YARS1: variants seen among roughly 807,000 people sequenced by gnomAD.
YARS1 encodes tyrosyl-tRNA synthetase 1, also known as tyrosine--tRNA ligase, cytoplasmic.
YARS1 carries 36 observed loss-of-function variants against 62.2 expected under a neutral mutation model. The ratio of observed to expected loss-of-function variants is 0.58; its 90% CI spans 0.44 to 0.76. The LOEUF is 0.76. Ranked by LOEUF, YARS1 falls within the 30% of genes least tolerant of loss-of-function variation. The pLI, the probability that YARS1 is intolerant of heterozygous loss-of-function variation, is 0.00. For synonymous variants in YARS1, 234 were observed against 244.9 expected, an observed-to-expected ratio of 0.96 and a Z score of 0.42; for missense variants, 524 against 639.8, an observed-to-expected ratio of 0.82 and a Z score of 1.95.
At chr1:32,780,716 G>A (rs1653024085) in intron 10 of YARS1, 2 of 434,112 alleles carry the variant, frequency 4.6e-6, no homozygotes, top group Admixed American at 3.5e-5. Flanking sequence ...TCTGAAGGGG[G>A]CAAAGTGGCC....
intron 5 of YARS1, among the ~76,000 whole-genome samples, chr1:32,793,938 A>G (rs574572045): frequency 6.6e-6 from 1 of 152,374 alleles, no homozygotes; most frequent in African/African-American, 2.4e-5. Context: ...ACACATACTA[A>G]GTGGGGGCTC....
rs560960563 is a variant in YARS1, at chr1:32,797,910, G to A, written c.511-67C>T. 134 of 1,406,296 alleles carry A rather than the reference G, an allele frequency of 9.5e-5. No homozygotes were observed. The East Asian group carries it at 1.9e-3, about 20-fold the overall frequency. 87.1% of individuals were successfully genotyped at this position (1,406,296 alleles called of 1,614,324 possible). On this transcript the variant is annotated intron_variant, in intron 4 of 12. Transcript: ENST00000373477. ...TTTTGAGACAGAGTCTCGCTCTGTC[G>A]CCCAGGCTGGAGTGCTGTGGCGTGA...
intron 1 of YARS1, among the ~76,000 whole-genome samples, chr1:32,813,608 C>T (rs574096070): frequency 6.6e-6 from 1 of 152,342 alleles, no homozygotes; most frequent in South Asian, 2.1e-4. Flanking sequence ...GTGTGGGCCA[C>T]CACACCTGGC....
chr1:32,779,599 GC>G, intron 11 of YARS1, 76 bp from the exon 12 acceptor site: 1 of 1,600,790 alleles, frequency 6.2e-7, no homozygotes, highest in South Asian at 1.1e-5. Flanking sequence ...AGCAATCCGG[GC>G]CTTTACACAG....
intron 1 of YARS1, among the ~76,000 whole-genome samples, chr1:32,814,247 G>A (rs1200935324): frequency 2.0e-5 from 3 of 151,836 alleles, no homozygotes; most frequent in East Asian, 3.9e-4. Context: ...GTTGTTCAAG[G>A]ACTCCAAAAC....
chr1:32,797,697 G>T, intron 5 of YARS1, 66 bp downstream of exon 5: 1 of 1,370,344 alleles, frequency 7.3e-7, no homozygotes, highest in Non-Finnish European at 1.0e-6. Flanking sequence ...ACACATCATA[G>T]TTCAATAAAC....
intron 8 of YARS1, among the ~76,000 whole-genome samples, chr1:32,785,701 G>A (rs888342390): frequency 1.3e-5 from 2 of 151,566 alleles, no homozygotes; most frequent in Non-Finnish European, 2.9e-5. Context: ...CCCTGCCTCA[G>A]CCTCCCGAGT....
intron 12 of YARS1, among the ~76,000 whole-genome samples, chr1:32,779,066 A>T (rs1652969511): frequency 6.6e-6 from 1 of 151,952 alleles, no homozygotes; most frequent in Non-Finnish European, 1.5e-5. Flanking sequence ...TGGTGACCCT[A>T]TGTGGCCTTG....
chr1:32,789,615 G>C (rs1021380197), intron 6 of YARS1, among the ~76,000 whole-genome samples: 1 of 149,484 alleles, frequency 6.7e-6, no homozygotes, highest in Non-Finnish European at 1.5e-5. Context: ...TTAAGACGGA[G>C]TCTCACTCTG....
intron 3 of YARS1, among the ~76,000 whole-genome samples, chr1:32,809,917 G>A (rs1569775964): frequency 6.6e-6 from 1 of 152,044 alleles, no homozygotes; most frequent in African/African-American, 2.4e-5. Context: ...GTCAGCCTGG[G>A]TAACATGGTG....
intron 1 of YARS1, among the ~76,000 whole-genome samples, chr1:32,815,842 G>A (rs1638705415): frequency 6.6e-6 from 1 of 152,132 alleles, no homozygotes; most frequent in Non-Finnish European, 1.5e-5. Flanking sequence ...GGGAGCCGTG[G>A]CTCACGCCTG....
intron 4 of YARS1, among the ~76,000 whole-genome samples, chr1:32,800,635 G>A (rs1007176408): frequency 2.6e-5 from 4 of 152,064 alleles, no homozygotes; most frequent in Non-Finnish European, 5.9e-5. Context: ...TGTCACCCAG[G>A]CTGGAGTGCA....
intron 3 of YARS1, among the ~76,000 whole-genome samples, chr1:32,808,663 G>A (rs747885509): frequency 2.0e-5 from 3 of 152,058 alleles, no homozygotes; most frequent in Non-Finnish European, 2.9e-5. Context: ...CTAGTGTCTC[G>A]CACATAGCAA....
rs1489709200 is a variant in YARS1, at chr1:32,810,799, A to C, written c.205-33T>G. ...AGAGATAAGGGGCCACCAAAATGTG[A>C]ATTTGTCCAATTACCTCCAACCTGT... On this transcript the variant is annotated intron_variant, in intron 2 of 12. Transcript: ENST00000373477. 2.5e-6 allele frequency: 4 copies of C among 1,613,936 alleles called. No homozygotes were observed. In the South Asian group the frequency reaches 3.3e-5, roughly 13 times the overall value.
At position 32,776,145 on chromosome 1, in the gene YARS1, A is replaced by C. The variant is rs562217502; in HGVS notation, c.1477-54T>G. The C allele has an allele frequency of 4.6e-5, 68 of 1,463,312 alleles. No individual in the cohort carries two copies. The African/African-American group carries it at 4.7e-4, about 10-fold the overall frequency. The allele number at this position is 1,463,312 out of a possible 1,614,324, so 90.6% of individuals were successfully genotyped here. A position where few individuals can be genotyped will look rare whatever the true frequency, so the allele number is the denominator to read the frequency against. On this transcript the variant is annotated intron_variant, in intron 12 of 12. Coordinates refer to ENST00000373477, the MANE Select transcript of YARS1 (RefSeq NM_003680.4). The surrounding 1 kb of genome is among the most constrained non-coding windows in gnomAD (Gnocchi z 4.0). ...ATGATGGTGGTGGGACTGCAAGAAA[A>C]CCCCCCCTTTTTTGGAGGGGGGGCA...
chr1:32,803,292 T>C (rs1167326752), intron 4 of YARS1, among the ~76,000 whole-genome samples: 2 of 151,134 alleles, frequency 1.3e-5, no homozygotes, highest in South Asian at 2.1e-4. Flanking sequence ...TCTTCTTTTT[T>C]TTTTTTTTTT....
intron 7 of YARS1, 181 bp from the exon 8 acceptor site, chr1:32,786,628 A>C: frequency 1.4e-6 from 1 of 739,944 alleles, no homozygotes; most frequent in Non-Finnish European, 2.3e-6. Context: ...CTAGCATCTC[A>C]GCTGCTTCAG....
intron 4 of YARS1, among the ~76,000 whole-genome samples, chr1:32,803,652 G>A (rs1569761079): frequency 6.6e-6 from 1 of 152,038 alleles, no homozygotes; most frequent in Admixed American, 6.6e-5. Flanking sequence ...ATTGTTGAGT[G>A]TAGCCACCTT....
Position 32,776,023 on chromosome 1 carries a change from G to A in YARS1, c.1545C>T (p.Gly515=), listed in dbSNP as rs1384498026. The part of the protein sequence containing the change: ...WKQTNFMTKL[G]SISCKSLKGG... ...CTTTCAGCGATTTACAGGAAATGGA[G>A]CCCAGCTTGGTCATGAAGTTGGTTT... is the stretch of plus-strand genomic sequence containing the variant. Residue 515 remains glycine (G), a synonymous_variant, in exon 13 of 13, where the codon GGC becomes GGT. Transcript: ENST00000373477. The surrounding 1 kb of genome is among the most constrained non-coding windows in gnomAD (Gnocchi z 4.0). The A allele has an allele frequency of 1.2e-6, 2 of 1,614,072 alleles. No homozygotes were observed. Among genetic ancestry groups the A allele is most frequent in the Admixed American group, 1.7e-5 (1 of 60,010 alleles).
Sources: gnomAD v4.1 joint callset for allele counts (sites outside exome capture counted in the v4.1 genomes callset) on GRCh38, gnomAD v4.1.1 for gene constraint, Gnocchi (gnomAD v3.1) non-coding constraint, MANE v1.5 for transcripts, NCBI Gene and HGNC (gene_info 2026-07-23, HGNC 2026-07-21) for gene names.